TMC1: variants seen among roughly 807,000 people sequenced by gnomAD.
TMC1 encodes transmembrane channel like 1.
A neutral mutation model predicts 105.8 loss-of-function variants in TMC1; 84 were observed. That is an observed-to-expected ratio of 0.79 (90% CI 0.67 to 0.95). The LOEUF is 0.95. TMC1 is among the 40% of genes least tolerant of loss of function. The pLI, the probability that TMC1 is intolerant of heterozygous loss-of-function variation, is 0.00. For missense variants in TMC1, 817 were observed against 914.1 expected, an observed-to-expected ratio of 0.89 and a Z score of 1.37; for synonymous variants, 315 against 311.5, an observed-to-expected ratio of 1.01 and a Z score of -0.12.
At chr9:72,805,698 G>C (rs370766582) in intron 18 of TMC1, among the ~76,000 whole-genome samples, 188 bp downstream of exon 18, 3 of 151,672 alleles carry the variant, frequency 2.0e-5, no homozygotes, top group Middle Eastern at 3.4e-3. Context: ...GCGGCCTTCC[G>C]CAGTGTTTGT....
chr9:72,804,500 T>C (rs543454048), intron 17 of TMC1, among the ~76,000 whole-genome samples: 6 of 152,360 alleles, frequency 3.9e-5, no homozygotes, highest in African/African-American at 9.6e-5. Context: ...CAATATACCA[T>C]TGTGCAGACA....
chr9:72,743,845 AAAT>A (rs1307273610), intron 10 of TMC1, among the ~76,000 whole-genome samples: 1 of 152,166 alleles, frequency 6.6e-6, no homozygotes, highest in African/African-American at 2.4e-5. Flanking sequence ...TTGTTTTTTA[AAAT>A]AATAATCTAA....
chr9:72,757,105 A>T (rs111929849), intron 12 of TMC1, among the ~76,000 whole-genome samples: 123 of 152,306 alleles, frequency 8.1e-4, no homozygotes, highest in African/African-American at 2.3e-3. Context: ...AATGAGAGAA[A>T]TTTTAAAGGT....
chr9:72,628,128 T>C (rs1458894131), intron 4 of TMC1, 65 bp downstream of exon 4: 1 of 455,108 alleles, frequency 2.2e-6, no homozygotes, highest in Non-Finnish European at 4.4e-6. Flanking sequence ...GCCTTTCACA[T>C]GCTATGTTTA....
intron 2 of TMC1, among the ~76,000 whole-genome samples, chr9:72,596,330 G>T (rs1331091204): frequency 6.6e-6 from 1 of 152,070 alleles, no homozygotes; most frequent in Non-Finnish European, 1.5e-5. Context: ...GCTCTGGAAG[G>T]TTTTTCTTGA....
At chr9:72,824,218 C>A (rs917747997) in intron 20 of TMC1, among the ~76,000 whole-genome samples, 1 of 152,212 alleles carries the variant, frequency 6.6e-6, no homozygotes, top group African/African-American at 2.4e-5. Flanking sequence ...TGCCTATGAC[C>A]CTAAAGCCCC....
chr9:72,701,965 G>A (rs1376246123), intron 8 of TMC1, among the ~76,000 whole-genome samples: 1 of 152,054 alleles, frequency 6.6e-6, no homozygotes, highest in Non-Finnish European at 1.5e-5. Flanking sequence ...AGCATCCTAC[G>A]TTCCACAGAG....
chr9:72,682,818 G>A (rs1335444069), intron 5 of TMC1, among the ~76,000 whole-genome samples: 1 of 152,154 alleles, frequency 6.6e-6, no homozygotes, highest in Non-Finnish European at 1.5e-5. Context: ...ATTGGCTCAT[G>A]GTTCTGCAGG....
At chr9:72,699,926 C>T (rs905897474) in intron 7 of TMC1, among the ~76,000 whole-genome samples, 1 of 135,072 alleles carries the variant, frequency 7.4e-6, no homozygotes, top group Non-Finnish European at 1.5e-5. Flanking sequence ...CACTGCACTC[C>T]AGCCTGGGCA....
At chr9:72,572,963 A>G (rs1442708766) in intron 1 of TMC1, among the ~76,000 whole-genome samples, 2 of 152,124 alleles carry the variant, frequency 1.3e-5, no homozygotes, top group Admixed American at 1.3e-4. Context: ...TTGCACTCCA[A>G]CACAGGGGAC....
chr9:72,757,362 G>A (rs991033639), intron 12 of TMC1, among the ~76,000 whole-genome samples: 2 of 152,134 alleles, frequency 1.3e-5, no homozygotes, highest in African/African-American at 4.8e-5. Flanking sequence ...ATGTGAAATG[G>A]AGAAAATAAT....
intron 2 of TMC1, among the ~76,000 whole-genome samples, chr9:72,591,779 A>G (rs897419928): frequency 5.9e-5 from 9 of 152,162 alleles, no homozygotes; most frequent in Admixed American, 5.9e-4. Context: ...TCTGTTGCCC[A>G]GGCTGGTCTC....
At chr9:72,523,653 C>G (rs1239059250) in intron 1 of TMC1, among the ~76,000 whole-genome samples, 4 of 151,888 alleles carry the variant, frequency 2.6e-5, no homozygotes, top group Non-Finnish European at 4.4e-5. Context: ...AGAGACTGGC[C>G]TTGCTGTCTT....
intron 1 of TMC1, among the ~76,000 whole-genome samples, chr9:72,547,094 C>T (rs1045297973): frequency 2.0e-5 from 3 of 152,156 alleles, no homozygotes; most frequent in Non-Finnish European, 4.4e-5. Context: ...TGAGACCAGC[C>T]TGGCCAACAT....
chr9:72,548,793 C>T (rs1318194742), intron 1 of TMC1, among the ~76,000 whole-genome samples: 2 of 152,084 alleles, frequency 1.3e-5, no homozygotes, highest in African/African-American at 4.8e-5. Flanking sequence ...GGAGACCAAC[C>T]TGGGCAACAT....
At chr9:72,821,668 T>C (rs189860336) in intron 20 of TMC1, among the ~76,000 whole-genome samples, 84 of 152,360 alleles carry the variant, frequency 5.5e-4, no homozygotes, top group Admixed American at 1.6e-3. Flanking sequence ...GTATGGTGAA[T>C]CTGAGCTGTT....
At chr9:72,815,949 G>A (rs1301066991) in intron 18 of TMC1, among the ~76,000 whole-genome samples, 194 bp from the exon 19 acceptor site, 1 of 151,840 alleles carries the variant, frequency 6.6e-6, no homozygotes. Flanking sequence ...ATTTAAAAAT[G>A]AGTCTCACTG....
At chr9:72,700,908 C>T (rs1156813743) in intron 8 of TMC1, among the ~76,000 whole-genome samples, 2 of 151,392 alleles carry the variant, frequency 1.3e-5, no homozygotes, top group East Asian at 3.9e-4. Flanking sequence ...TGTATATTTA[C>T]ATATATCTGT....
chr9:72,582,092 G>A (rs1383821105), intron 2 of TMC1, among the ~76,000 whole-genome samples: 4 of 152,116 alleles, frequency 2.6e-5, no homozygotes, highest in African/African-American at 9.7e-5. Context: ...CGAGTAGCTG[G>A]GATTACAGGC....
Sources: allele counts gnomAD v4.1 joint callset (sites outside exome capture counted in the v4.1 genomes callset), GRCh38; gene constraint gnomAD v4.1.1; transcripts MANE v1.5; gene names NCBI Gene and HGNC (gene_info 2026-07-23, HGNC 2026-07-21).